FSTL4: variants seen among roughly 807,000 people sequenced by gnomAD.
The protein encoded by FSTL4 is follistatin like 4, also known as follistatin-related protein 4.
A neutral mutation model predicts 78.2 loss-of-function variants in FSTL4; 28 were observed. The ratio of observed to expected loss-of-function variants is 0.36; its 90% CI spans 0.27 to 0.49. FSTL4 has a LOEUF of 0.49. Ranked by LOEUF, FSTL4 falls within the 20% of genes least tolerant of loss-of-function variation. FSTL4 has a pLI of 0.98. For synonymous variants in FSTL4, 422 were observed against 440.5 expected, an observed-to-expected ratio of 0.96 and a Z score of 0.53; for missense variants, 922 against 1,084.9, an observed-to-expected ratio of 0.85 and a Z score of 2.11.
At chr5:133,242,319 T>C (rs1045957363) in intron 7 of FSTL4, among the ~76,000 whole-genome samples, 12 of 152,098 alleles carry the variant, frequency 7.9e-5, no homozygotes, top group Admixed American at 3.3e-4. Context: ...CTCCAATCTG[T>C]AGTGGCCAAG....
At chr5:133,772,270 G>C in the FSTL4 span, among the ~76,000 whole-genome samples, 1 of 152,266 alleles carries the variant, frequency 6.6e-6, no homozygotes, top group African/African-American at 2.4e-5. Flanking sequence ...TTGTGGCAAA[G>C]TGTTTACAAA....
At chr5:133,546,724 G>A (rs905974581) in intron 3 of FSTL4, among the ~76,000 whole-genome samples, 1 of 152,060 alleles carries the variant, frequency 6.6e-6, no homozygotes, top group African/African-American at 2.4e-5. Flanking sequence ...TTCAGGAAAT[G>A]AGCCCAGGGC....
At chr5:133,839,595 C>A in the FSTL4 span, among the ~76,000 whole-genome samples, 1 of 152,180 alleles carries the variant, frequency 6.6e-6, no homozygotes, top group Non-Finnish European at 1.5e-5. Context: ...ACAGAACATG[C>A]AAACATTGTA....
At chr5:133,201,909 A>G (rs757570220) in intron 15 of FSTL4, 24 bp downstream of exon 15, 1 of 1,392,714 alleles carries the variant, frequency 7.2e-7, no homozygotes, top group East Asian at 2.3e-5. Context: ...GGAGTGCCTT[A>G]GAGGCATCAT....
intron 4 of FSTL4, among the ~76,000 whole-genome samples, chr5:133,389,330 T>A (rs942372547): frequency 1.3e-5 from 2 of 152,152 alleles, no homozygotes; most frequent in South Asian, 4.1e-4. Flanking sequence ...TACAGCTAAA[T>A]CCATGGTCAC....
chr5:133,660,564 T>A, the FSTL4 span, among the ~76,000 whole-genome samples: 569 of 152,254 alleles, frequency 3.7e-3, 4 homozygotes, highest in African/African-American at 0.013. Context: ...AGCATGGAGT[T>A]ACGTGTCTAC....
the FSTL4 span, among the ~76,000 whole-genome samples, chr5:133,826,813 A>G: frequency 6.6e-6 from 1 of 152,246 alleles, no homozygotes; most frequent in Non-Finnish European, 1.5e-5. Context: ...ATAAAACAAG[A>G]GTCTGGCTTT....
At chr5:133,242,310 TCCAATCTGTAGTGGCCAAGAGAGGCA>T (rs1279732510) in intron 7 of FSTL4, among the ~76,000 whole-genome samples, 1 of 152,054 alleles carries the variant, frequency 6.6e-6, no homozygotes, top group East Asian at 1.9e-4. Flanking sequence ...AGGGGTAGGC[TCCAATCTGTAGTGGCCAAGAGAGGCA>T]CCAATCGGCC....
chr5:133,433,246 T>C (rs943767060), intron 3 of FSTL4, among the ~76,000 whole-genome samples: 1 of 152,246 alleles, frequency 6.6e-6, no homozygotes, highest in South Asian at 2.1e-4. Flanking sequence ...TAGTCCTATT[T>C]GTTTTTGAAG....
chr5:133,743,838 C>G, the FSTL4 span, among the ~76,000 whole-genome samples: 1 of 152,212 alleles, frequency 6.6e-6, no homozygotes, highest in African/African-American at 2.4e-5. Context: ...AAAGATGGAG[C>G]TTACGAGCTC....
intron 4 of FSTL4, among the ~76,000 whole-genome samples, chr5:133,325,820 C>T (rs926714885): frequency 6.6e-6 from 1 of 152,150 alleles, no homozygotes; most frequent in Admixed American, 6.5e-5. Flanking sequence ...AGGGGAGAGA[C>T]AGGACATGCC....
the FSTL4 span, among the ~76,000 whole-genome samples, chr5:133,831,040 G>C: frequency 4.6e-5 from 7 of 152,150 alleles, no homozygotes; most frequent in African/African-American, 1.7e-4. Flanking sequence ...GGGCCGAGAC[G>C]CTTAGCAGGT....
chr5:133,562,547 C>G (rs1265791336), intron 3 of FSTL4, among the ~76,000 whole-genome samples: 1 of 152,110 alleles, frequency 6.6e-6, no homozygotes, highest in Non-Finnish European at 1.5e-5. Flanking sequence ...GTGATGGTCA[C>G]CCCCTTTTTT....
chr5:133,643,053 C>T, the FSTL4 span, among the ~76,000 whole-genome samples: 3 of 152,222 alleles, frequency 2.0e-5, no homozygotes, highest in Non-Finnish European at 4.4e-5. Flanking sequence ...AACTTCCAAA[C>T]ATCTTTTCAG....
intron 4 of FSTL4, among the ~76,000 whole-genome samples, chr5:133,383,504 C>A (rs1211924165): frequency 1.3e-5 from 2 of 152,182 alleles, no homozygotes; most frequent in African/African-American, 4.8e-5. Flanking sequence ...GAATGACAAA[C>A]CAGTGCCCAC....
chr5:133,649,852 T>G, the FSTL4 span, among the ~76,000 whole-genome samples: 1 of 152,172 alleles, frequency 6.6e-6, no homozygotes, highest in Admixed American at 6.5e-5. Context: ...CAAAAAAGTT[T>G]CATTTCAATG....
chr5:133,626,833 C>A, the FSTL4 span, among the ~76,000 whole-genome samples: 2 of 152,234 alleles, frequency 1.3e-5, no homozygotes, highest in South Asian at 4.1e-4. Context: ...ATGTTCTGTG[C>A]ACACTTTTAA....
chr5:133,400,349 T>G lies in FSTL4; in HGVS notation c.409+389A>C, dbSNP rs529818864. Among the ~76,000 whole-genome samples, 58 of 152,324 alleles carry G rather than the reference T, an allele frequency of 3.8e-4. 1 individual carries two copies. In the South Asian group the frequency reaches 0.012, roughly 31 times the overall value. ...CTGGTGTCTGCCTGACCACATTCTA[T>G]GCACAGCACAGCCTCCTGATTCATG... is the stretch of plus-strand genomic sequence containing the variant. On this transcript the variant is annotated intron_variant, in intron 4 of 15. Transcript: ENST00000265342.
At chr5:133,210,345 T>C (rs1312323750) in intron 13 of FSTL4, 47 bp from the exon 14 acceptor site, 4 of 1,116,392 alleles carry the variant, frequency 3.6e-6, no homozygotes, top group South Asian at 1.3e-5. Flanking sequence ...ATGATGGTCA[T>C]TTCTGGGCGT....
Sources: allele counts gnomAD v4.1 joint callset (sites outside exome capture counted in the v4.1 genomes callset), GRCh38; gene constraint gnomAD v4.1.1; transcripts MANE v1.5; gene names NCBI Gene and HGNC (gene_info 2026-07-23, HGNC 2026-07-21).